The following HPSE2 variants were observed in gnomAD, a reference collection of about 807,000 sequenced individuals.
HPSE2 encodes the protein inactive heparanase-2.
HPSE2 carries 38 observed loss-of-function variants against 60.5 expected under a neutral mutation model. The observed-to-expected ratio is 0.63, with a 90% CI of 0.48 to 0.82. The LOEUF (loss-of-function observed/expected upper bound fraction) is 0.82, where lower values mean the gene tolerates loss of function less well. Ranked by LOEUF, HPSE2 falls within the 40% of genes least tolerant of loss-of-function variation. The pLI, the probability that HPSE2 is intolerant of heterozygous loss-of-function variation, is 0.00. For synonymous variants in HPSE2, 295 were observed against 293.2 expected, an observed-to-expected ratio of 1.01 and a Z score of -0.06; for missense variants, 713 against 740.4, an observed-to-expected ratio of 0.96 and a Z score of 0.43.
At chr10:98,827,159 AAT>A (rs922623841) in intron 3 of HPSE2, among the ~76,000 whole-genome samples, 3 of 66,690 alleles carry the variant, frequency 4.5e-5, no homozygotes, top group Non-Finnish European at 1.3e-4. Context: ...TCTAAAAAAA[AAT>A]TTTTTTTTAA....
chr10:98,849,784 C>T (rs1952123855), intron 3 of HPSE2, among the ~76,000 whole-genome samples: 2 of 151,902 alleles, frequency 1.3e-5, no homozygotes, highest in South Asian at 2.1e-4. Flanking sequence ...CTCGCTCTGT[C>T]GCCAGGCTGG....
chr10:98,595,038 G>A (rs1236187978), intron 9 of HPSE2, among the ~76,000 whole-genome samples: 2 of 151,950 alleles, frequency 1.3e-5, no homozygotes, highest in African/African-American at 2.4e-5. Context: ...GAACACAAGA[G>A]ATCTTTCCAT....
At chr10:99,157,639 C>T (rs1428462698) in intron 2 of HPSE2, among the ~76,000 whole-genome samples, 1 of 146,794 alleles carries the variant, frequency 6.8e-6, no homozygotes, top group Non-Finnish European at 1.5e-5. Flanking sequence ...GACCTAAAAC[C>T]ATAAAAACCC....
chr10:98,517,199 T>TGGGGGGGGGAGGG (rs1554926104), intron 9 of HPSE2, among the ~76,000 whole-genome samples: 1 of 113,658 alleles, frequency 8.8e-6, no homozygotes, highest in Admixed American at 9.2e-5. Flanking sequence ...GGGTGTGGGG[T>TGGGGGGGGGAGGG]GGGGGGGGCG....
At chr10:98,882,067 T>C (rs886610871) in intron 3 of HPSE2, among the ~76,000 whole-genome samples, 4 of 151,992 alleles carry the variant, frequency 2.6e-5, no homozygotes, top group Non-Finnish European at 5.9e-5. Context: ...GCCCAGCTTT[T>C]TGTGTGTCTT....
chr10:99,091,919 T>C lies in HPSE2; in HGVS notation c.610+52319A>G, dbSNP rs143958187. 1.5e-3 allele frequency among the ~76,000 whole-genome samples: 225 copies of C among 152,328 alleles called. 3 individuals are homozygous for C. The East Asian group carries it at 0.033, about 22-fold the overall frequency. On this transcript the variant is annotated intron_variant, in intron 3 of 11. Coordinates refer to ENST00000370552, the MANE Select transcript of HPSE2 (RefSeq NM_021828.5). ...TTCAGAAATTCTTTAACTCAAAAGT[T>C]GCTGTCATTTTTGTTACATGCATGA...
chr10:99,103,697 C>T (rs1589661861), intron 3 of HPSE2, among the ~76,000 whole-genome samples: 2 of 152,242 alleles, frequency 1.3e-5, no homozygotes, highest in South Asian at 4.1e-4. Context: ...GCCAAAAGAA[C>T]AAAACTGGAG....
intron 3 of HPSE2, among the ~76,000 whole-genome samples, chr10:99,023,038 G>A (rs1589532544): frequency 6.6e-6 from 1 of 152,168 alleles, no homozygotes; most frequent in Non-Finnish European, 1.5e-5. Context: ...AGAGCACTAA[G>A]TGGGCTCTTG....
At chr10:99,291,517 G>A in the HPSE2 span, among the ~76,000 whole-genome samples, 1 of 150,990 alleles carries the variant, frequency 6.6e-6, no homozygotes, top group African/African-American at 2.4e-5. Context: ...CCAGGAGGTG[G>A]AGGTTGCAGT....
the HPSE2 span, among the ~76,000 whole-genome samples, chr10:99,283,190 TAAA>T: frequency 0.011 from 429 of 39,558 alleles, 1 homozygote; most frequent in Non-Finnish European, 0.016. Context: ...CGTCTCAGGT[TAAA>T]AAAAAAAAAA....
At chr10:98,520,272 T>G (rs1942744577) in intron 9 of HPSE2, among the ~76,000 whole-genome samples, 1 of 152,164 alleles carries the variant, frequency 6.6e-6, no homozygotes, top group Admixed American at 6.5e-5. Context: ...TTGAGGAAAT[T>G]CTAAGTTTAG....
chr10:99,192,905 A>T (rs1205102705), intron 2 of HPSE2, among the ~76,000 whole-genome samples: 1 of 152,176 alleles, frequency 6.6e-6, no homozygotes, highest in Non-Finnish European at 1.5e-5. Flanking sequence ...TTTTTCATAT[A>T]TAAAAAAAAG....
At chr10:98,754,907 A>C (rs1949842678) in intron 3 of HPSE2, among the ~76,000 whole-genome samples, 1 of 151,860 alleles carries the variant, frequency 6.6e-6, no homozygotes, top group Non-Finnish European at 1.5e-5. Context: ...AAAACAAAAG[A>C]CTGTTTTACT....
At chr10:98,514,707 C>T (rs1355034911) in intron 9 of HPSE2, among the ~76,000 whole-genome samples, 5 of 94,938 alleles carry the variant, frequency 5.3e-5, no homozygotes, top group Non-Finnish European at 8.4e-5. Flanking sequence ...TGGTTATATA[C>T]TTTGTTTTTT....
chr10:99,013,744 T>A, intron 3 of HPSE2: 1 of 237,464 alleles, frequency 4.2e-6, no homozygotes, highest in Non-Finnish European at 9.0e-6. Context: ...AGCGCTGGGA[T>A]TACAGGCGTG....
chr10:99,254,449 G>T, the HPSE2 span, among the ~76,000 whole-genome samples: 16 of 152,202 alleles, frequency 1.1e-4, no homozygotes, highest in African/African-American at 2.6e-4. Flanking sequence ...ACTATTCTCA[G>T]TACCTGAGTG....
rs189756399 is a variant in HPSE2 at position 98,839,799 on chromosome 10, C to T, written c.611-95743G>A. 5.9e-5 allele frequency among the ~76,000 whole-genome samples: 9 copies of T among 152,114 alleles called. No homozygotes were observed. The East Asian group carries it at 9.7e-4, about 16-fold the overall frequency. On this transcript the variant is annotated intron_variant, in intron 3 of 11. Coordinates refer to ENST00000370552, the MANE Select transcript of HPSE2 (RefSeq NM_021828.5). ...TCTGTGGATCCCATAAATGGTAAAG[C>T]GTAGGGAAAGTGCTACCAGGATTCA...
At chr10:99,006,386 C>A (rs778850679) in intron 3 of HPSE2, among the ~76,000 whole-genome samples, 16 of 152,164 alleles carry the variant, frequency 1.1e-4, no homozygotes, top group Non-Finnish European at 2.1e-4. Flanking sequence ...ACAAGTCTGG[C>A]ACTGAGCAGG....
At chr10:98,928,648 A>G (rs1954550871) in intron 3 of HPSE2, among the ~76,000 whole-genome samples, 2 of 132,340 alleles carry the variant, frequency 1.5e-5, no homozygotes, top group Non-Finnish European at 3.1e-5. Flanking sequence ...ACCATGGAAT[A>G]CTATGCAGCC....
Sources: gnomAD v4.1 joint callset for allele counts (sites outside exome capture counted in the v4.1 genomes callset) on GRCh38, gnomAD v4.1.1 for gene constraint, MANE v1.5 for transcripts, NCBI Gene and HGNC (gene_info 2026-07-23, HGNC 2026-07-21) for gene names.